UBE2F: variants seen among roughly 807,000 people sequenced by gnomAD.
UBE2F encodes the protein NEDD8-conjugating enzyme UBE2F.
Under a neutral mutation model 29.6 loss-of-function variants are expected in UBE2F, and 5 were observed. The observed-to-expected ratio is 0.17, with a 90% CI of 0.09 to 0.36. The LOEUF (loss-of-function observed/expected upper bound fraction) is 0.36, where lower values mean the gene tolerates loss of function less well. Among genes scored for constraint, UBE2F ranks in the 10% least tolerant of loss-of-function variants. UBE2F has a pLI of 1.00. For synonymous variants in UBE2F, 66 were observed against 81.8 expected, an observed-to-expected ratio of 0.81 and a Z score of 1.04; for missense variants, 141 against 228.5, an observed-to-expected ratio of 0.62 and a Z score of 2.47.
intron 6 of UBE2F, among the ~76,000 whole-genome samples, chr2:238,027,273 A>C (rs980113051): frequency 6.6e-6 from 1 of 152,258 alleles, no homozygotes; most frequent in Non-Finnish European, 1.5e-5. Context: ...TTGGTATGTA[A>C]ATAGTCCTTA....
At chr2:237,994,918 A>C in intron 4 of UBE2F, 109 bp downstream of exon 4, 1 of 764,482 alleles carries the variant, frequency 1.3e-6, no homozygotes, top group South Asian at 1.6e-5. Flanking sequence ...AAAGATTAAC[A>C]CATTAATAAC....
At chr2:238,027,175 C>T (rs969740008) in intron 6 of UBE2F, among the ~76,000 whole-genome samples, 1 of 152,098 alleles carries the variant, frequency 6.6e-6, no homozygotes, top group African/African-American at 2.4e-5. Flanking sequence ...AAAAGCCAGA[C>T]GTCTTAAGGA....
At chr2:238,012,623 A>T (rs1336964920) in intron 4 of UBE2F, among the ~76,000 whole-genome samples, 1 of 152,168 alleles carries the variant, frequency 6.6e-6, no homozygotes, top group Non-Finnish European at 1.5e-5. Flanking sequence ...ATATACATTA[A>T]TTGTCAAACT....
chr2:237,993,519 C>T (rs565997634), intron 3 of UBE2F, among the ~76,000 whole-genome samples: 1 of 152,158 alleles, frequency 6.6e-6, no homozygotes, highest in East Asian at 1.9e-4. Context: ...TCAAGACTAG[C>T]CTGGGTAACA....
At chr2:237,989,357 T>A (rs1208932827) in intron 3 of UBE2F, among the ~76,000 whole-genome samples, 1 of 151,972 alleles carries the variant, frequency 6.6e-6, no homozygotes, top group African/African-American at 2.4e-5. Context: ...TCTTAAAAAA[T>A]TATTATTATT....
chr2:237,977,880 T>A (rs563231597), intron 2 of UBE2F, among the ~76,000 whole-genome samples: 1 of 152,228 alleles, frequency 6.6e-6, no homozygotes, highest in South Asian at 2.1e-4. Context: ...TATCAATATG[T>A]CTGGGACTTC....
intron 4 of UBE2F, among the ~76,000 whole-genome samples, chr2:237,998,751 ACCC>A (rs2063735458): frequency 1.3e-5 from 2 of 152,096 alleles, no homozygotes; most frequent in African/African-American, 4.8e-5. Context: ...GTTGTGCCAT[ACCC>A]TGACCAGCAC....
intron 6 of UBE2F, among the ~76,000 whole-genome samples, chr2:238,027,495 G>A (rs1205831666): frequency 6.6e-6 from 1 of 152,190 alleles, no homozygotes; most frequent in African/African-American, 2.4e-5. Context: ...TGGTGGCTGG[G>A]GGAGGAGTGT....
chr2:237,967,049 T>A lies in UBE2F; in HGVS notation c.-100T>A. ...CCGCCGCCGGGAGCCGGTGCGGCTG[T>A]GAGGGGCCGCGTCTCGCAGCAGCCG... On this transcript the variant is annotated 5_prime_UTR_variant, in exon 1 of 10. Coordinates refer to ENST00000272930, the MANE Select transcript of UBE2F (RefSeq NM_080678.3). This position sits in a 1 kb window ranked among gnomAD's most constrained non-coding sequence, Gnocchi z 6.3. 1 of 1,311,690 alleles carries A rather than the reference T, an allele frequency of 7.6e-7. No individual in the cohort carries two copies. Among genetic ancestry groups the A allele is most frequent in the Non-Finnish European group, 9.7e-7 (1 of 1,030,286 alleles). The allele number at this position is 1,311,690 out of a possible 1,614,324, so 81.3% of individuals were successfully genotyped here. A position where few individuals can be genotyped will look rare whatever the true frequency, so the allele number is the denominator to read the frequency against.
intron 4 of UBE2F, among the ~76,000 whole-genome samples, chr2:238,005,856 T>C (rs1171641088): frequency 2.0e-5 from 3 of 152,234 alleles, no homozygotes; most frequent in Non-Finnish European, 4.4e-5. Context: ...TCAACATTTT[T>C]CTACTTTTTG....
chr2:238,031,887 G>A (rs1425699352), intron 7 of UBE2F, among the ~76,000 whole-genome samples: 4 of 152,356 alleles, frequency 2.6e-5, no homozygotes, highest in African/African-American at 4.8e-5. Context: ...ATATTTGGTG[G>A]TAACAAGTAA....
At chr2:237,975,515 G>A (rs899342013) in intron 2 of UBE2F, among the ~76,000 whole-genome samples, 2 of 152,192 alleles carry the variant, frequency 1.3e-5, no homozygotes, top group African/African-American at 4.8e-5. Flanking sequence ...CATGGAGATT[G>A]CAGGCATTTA....
At chr2:237,969,107 T>C (rs891068690) in intron 1 of UBE2F, among the ~76,000 whole-genome samples, 1 of 152,188 alleles carries the variant, frequency 6.6e-6, no homozygotes, top group Non-Finnish European at 1.5e-5. Flanking sequence ...GAGAAGTACA[T>C]TTTTTATTAC....
At chr2:237,992,693 T>C (rs929194331) in intron 3 of UBE2F, among the ~76,000 whole-genome samples, 2 of 152,224 alleles carry the variant, frequency 1.3e-5, no homozygotes, top group East Asian at 3.8e-4. Flanking sequence ...TTAACCTTGC[T>C]TCTGTTGATA....
intron 3 of UBE2F, chr2:237,990,466 G>A (rs2063563969): frequency 2.2e-6 from 1 of 446,178 alleles, no homozygotes. Context: ...ACAGTGGCAT[G>A]AGTGTGGCTC....
intron 2 of UBE2F, among the ~76,000 whole-genome samples, chr2:237,983,550 G>A (rs904505921): frequency 6.6e-6 from 1 of 152,160 alleles, no homozygotes; most frequent in East Asian, 1.9e-4. Context: ...GAGCCTCAGA[G>A]TAGAGCCCTC....
chr2:237,980,426 C>T (rs546706789), intron 2 of UBE2F, among the ~76,000 whole-genome samples: 2 of 152,292 alleles, frequency 1.3e-5, no homozygotes, highest in Admixed American at 6.5e-5. Context: ...TGTGTCTTCA[C>T]GTGGAGGAGA....
rs539211060 is a variant in UBE2F at position 238,001,939 on chromosome 2, C to T, written c.214+7130C>T. Among the ~76,000 whole-genome samples, 33 of 152,292 alleles carry T rather than the reference C, an allele frequency of 2.2e-4. No individual in the cohort carries two copies. The South Asian group carries it at 6.6e-3, about 31-fold the overall frequency. ...TCCCTGATACATGATAATAAACGTG[C>T]AGCTTACATTGAGTCATAAACGTTT... is the stretch of plus-strand genomic sequence containing the variant. On this transcript the variant is annotated intron_variant, in intron 4 of 9. Coordinates refer to ENST00000272930, the MANE Select transcript of UBE2F (RefSeq NM_080678.3).
intron 9 of UBE2F, among the ~76,000 whole-genome samples, chr2:238,039,053 G>T (rs1007516141): frequency 3.3e-5 from 5 of 152,168 alleles, no homozygotes; most frequent in Admixed American, 6.5e-5. Context: ...TGGCCAACAT[G>T]GTGAAACCCC....
Sources: allele counts gnomAD v4.1 joint callset (sites outside exome capture counted in the v4.1 genomes callset), GRCh38; gene constraint gnomAD v4.1.1; non-coding constraint Gnocchi (gnomAD v3.1); transcripts MANE v1.5; gene names NCBI Gene and HGNC (gene_info 2026-07-23, HGNC 2026-07-21).